The following FAM20C variants were observed in gnomAD, a reference collection of about 807,000 sequenced individuals.
The protein encoded by FAM20C is extracellular serine/threonine protein kinase FAM20C.
Under a neutral mutation model 51.5 loss-of-function variants are expected in FAM20C, and 40 were observed. The observed-to-expected ratio is 0.78, with a 90% CI of 0.60 to 1.01. The LOEUF (loss-of-function observed/expected upper bound fraction) is 1.01, where lower values mean the gene tolerates loss of function less well. FAM20C is among the 50% of genes least tolerant of loss of function. FAM20C has a pLI of 0.00. For missense variants in FAM20C, 861 were observed against 844.7 expected, an observed-to-expected ratio of 1.02 and a Z score of -0.24; for synonymous variants, 406 against 380.6, an observed-to-expected ratio of 1.07 and a Z score of -0.78.
chr7:215,232 G>A (rs1035781053), intron 3 of FAM20C, among the ~76,000 whole-genome samples: 2 of 125,818 alleles, frequency 1.6e-5, no homozygotes, highest in Non-Finnish European at 3.6e-5. Flanking sequence ...TCCAGCTGGG[G>A]GGGGGAGCAG....
chr7:241,828 C>T (rs1324105485), intron 3 of FAM20C, among the ~76,000 whole-genome samples: 1 of 147,848 alleles, frequency 6.8e-6, no homozygotes, highest in Non-Finnish European at 1.5e-5. Flanking sequence ...TGTGTGTGCC[C>T]GTGTGTACGT....
At chr7:200,036 T>G (rs1786058652) in intron 2 of FAM20C, among the ~76,000 whole-genome samples, 1 of 152,196 alleles carries the variant, frequency 6.6e-6, no homozygotes, top group Non-Finnish European at 1.5e-5. Flanking sequence ...AGGGGAAGAA[T>G]GAGTCCAGCT....
At chr7:203,323 CT>C (rs933340676) in intron 2 of FAM20C, among the ~76,000 whole-genome samples, 7 of 152,232 alleles carry the variant, frequency 4.6e-5, no homozygotes, top group African/African-American at 1.7e-4. Flanking sequence ...ATGAGGTGAG[CT>C]TTCCAAGCAT....
intron 3 of FAM20C, among the ~76,000 whole-genome samples, chr7:229,893 G>A (rs567443601): frequency 3.3e-5 from 5 of 152,096 alleles, no homozygotes; most frequent in Admixed American, 6.6e-5. Flanking sequence ...AGTGTGTTTG[G>A]AGGAATAAGA....
chr7:259,594 C>CTCTT (rs1335214604), intron 9 of FAM20C, 137 bp from the exon 10 acceptor site: 3 of 1,159,404 alleles, frequency 2.6e-6, no homozygotes, highest in South Asian at 1.7e-5. Flanking sequence ...CTGTCTTTTT[C>CTCTT]TCTCTGTCTC....
At chr7:203,376 C>CT (rs1786216925) in intron 2 of FAM20C, among the ~76,000 whole-genome samples, 1 of 151,480 alleles carries the variant, frequency 6.6e-6, no homozygotes, top group Admixed American at 6.6e-5. Context: ...AAAATTGCAC[C>CT]TTTTTTTCAA....
In FAM20C at chr7:231,924, G is replaced by A. The variant is rs573386877; in HGVS notation, c.864-14491G>A. On this transcript the variant is annotated intron_variant, in intron 3 of 9. Transcript: ENST00000313766. ...CCTCTGTGCTGAGCAGGACACCCAAGGACTCCATCCTCCGGCCCCAGCACC... is the reference window on the plus strand; with the variant it reads ...CCTCTGTGCTGAGCAGGACACCCAAAGACTCCATCCTCCGGCCCCAGCACC... Among the ~76,000 whole-genome samples the A allele has an allele frequency of 7.0e-4, 106 of 152,272 alleles. 1 individual carries two copies. Among genetic ancestry groups the A allele is most frequent in the South Asian group, 2.3e-3 (11 of 4,828 alleles).
chr7:208,186 G>A (rs989184337), intron 2 of FAM20C, among the ~76,000 whole-genome samples: 19 of 143,192 alleles, frequency 1.3e-4, no homozygotes, highest in Admixed American at 3.4e-4. Context: ...GGGGTGTGTC[G>A]GGGGGTGTCT....
Position 260,166 on chromosome 7 carries a change from GAA to G in FAM20C, c.*189_*190del. 1.2e-6 allele frequency: 1 copy of G among 851,290 alleles called. No homozygotes were observed. The highest frequency in any genetic ancestry group is 1.7e-6 in the Non-Finnish European group (1 of 599,554). 52.7% of individuals were successfully genotyped at this position (851,290 alleles called of 1,614,324 possible). A position where few individuals can be genotyped will look rare whatever the true frequency, so the allele number is the denominator to read the frequency against. On this transcript the variant is annotated 3_prime_UTR_variant, in exon 10 of 10. Coordinates refer to ENST00000313766, the MANE Select transcript of FAM20C (RefSeq NM_020223.4). Reference sequence around the variant, plus strand: ...GACACATTTTGTCAGTGTTTGACCAGAAAAGCTTGGGAAGGAAGCGCTGTCTG... The same window carrying G: ...GACACATTTTGTCAGTGTTTGACCAGAAGCTTGGGAAGGAAGCGCTGTCTG...
At chr7:203,183 C>T (rs1786209441) in intron 2 of FAM20C, among the ~76,000 whole-genome samples, 1 of 152,188 alleles carries the variant, frequency 6.6e-6, no homozygotes, top group African/African-American at 2.4e-5. Context: ...TGGGTCCCTC[C>T]CCAGGCTGGG....
chr7:241,161 CTG>C (rs1787935852), intron 3 of FAM20C, among the ~76,000 whole-genome samples: 1 of 151,640 alleles, frequency 6.6e-6, no homozygotes, highest in African/African-American at 2.4e-5. Context: ...CTGCTTCCTC[CTG>C]CTGGGGTCAC....
intron 3 of FAM20C, 195 bp from the exon 4 acceptor site, chr7:246,220 G>T: frequency 1.8e-6 from 1 of 561,594 alleles, no homozygotes; most frequent in Middle Eastern, 4.8e-4. Context: ...CCCGGCCTCC[G>T]TCGCACGTGC....
intron 3 of FAM20C, among the ~76,000 whole-genome samples, chr7:220,766 G>A (rs1787226171): frequency 6.6e-6 from 1 of 152,226 alleles, no homozygotes; most frequent in South Asian, 2.1e-4. Context: ...TGGTGGGCAG[G>A]TCATCTGGTG....
intron 3 of FAM20C, chr7:228,812 C>T (rs560382027): frequency 3.1e-5 from 14 of 456,138 alleles, no homozygotes; most frequent in Admixed American, 7.0e-5. Flanking sequence ...AGTGGGGTCC[C>T]GGGCAGCCTC....
intron 8 of FAM20C, among the ~76,000 whole-genome samples, chr7:257,764 A>ACCCACTGCCCGGGGTGTTGGAGATGGGCT (rs1788644800): frequency 1.9e-5 from 1 of 53,882 alleles, no homozygotes; most frequent in African/African-American, 7.6e-5. Context: ...GGAGATGGGC[A>ACCCACTGCCCGGGGTGTTGGAGATGGGCT]GGGTGGACCC....
rs1239830382 is a variant in FAM20C, at chr7:258,471, G to A, written c.1446-175G>A. 3.0e-4 allele frequency among the ~76,000 whole-genome samples: 42 copies of A among 139,188 alleles called. 1 individual carries two copies. The highest frequency in any genetic ancestry group is 8.9e-4 in the African/African-American group (31 of 34,968). The allele number at this position is 139,188 out of a possible 152,430, so 91.3% of individuals were successfully genotyped here. A position where few individuals can be genotyped will look rare whatever the true frequency, so the allele number is the denominator to read the frequency against. On this transcript the variant is annotated intron_variant, in intron 8 of 9. Transcript: ENST00000313766. ...GGGTGGGATGGACCCACTGCCTGGG[G>A]TGCTGGAGATGGGTGGGATGGACCC...
At chr7:214,903 T>A (rs1030015570) in intron 3 of FAM20C, among the ~76,000 whole-genome samples, 2 of 152,072 alleles carry the variant, frequency 1.3e-5, no homozygotes, top group African/African-American at 2.4e-5. Context: ...AATATTCATT[T>A]AGTCATTCCA....
chr7:226,254 C>G (rs1218168295), intron 3 of FAM20C, among the ~76,000 whole-genome samples: 1 of 152,124 alleles, frequency 6.6e-6, no homozygotes, highest in Non-Finnish European at 1.5e-5. Context: ...AGGACGGATT[C>G]CCTTCCTCTG....
chr7:193,275 G>T lies in FAM20C; in HGVS notation c.76G>T (p.Ala26Ser). The T allele has an allele frequency of 6.9e-7, 1 of 1,448,934 alleles. No homozygotes were observed. The allele number at this position is 1,448,934 out of a possible 1,614,324, so 89.8% of individuals were successfully genotyped here. A position where few individuals can be genotyped will look rare whatever the true frequency, so the allele number is the denominator to read the frequency against. Residue 26 changes from alanine (A) to serine (S), a missense_variant, in exon 1 of 10, where the codon GCC becomes TCC. Ala to Ser is a moderately conservative substitution (Grantham distance 99). This residue lies in a region of FAM20C where 561 missense variants were observed against 499.8 expected (regional missense o/e 1.12). Transcript: ENST00000313766. The part of the protein sequence containing the change: ...VFLVACALHI[A>S]LDLLPRLERR... ...CCTGGTGGCCTGCGCGCTGCACATC[G>T]CCCTGGACCTGCTGCCCAGGCTGGA...
Sources: gnomAD v4.1 joint callset for allele counts (sites outside exome capture counted in the v4.1 genomes callset) on GRCh38, gnomAD v4.1.1 for gene constraint, gnomAD v4.1.1 regional missense constraint, MANE v1.5 for transcripts, NCBI Gene and HGNC (gene_info 2026-07-23, HGNC 2026-07-21) for gene names.